The following MELK variants were observed in gnomAD, a reference collection of about 807,000 sequenced individuals.
The protein encoded by MELK is maternal embryonic leucine zipper kinase.
Under a neutral mutation model 85.0 loss-of-function variants are expected in MELK, and 81 were observed. That is an observed-to-expected ratio of 0.95 (90% CI 0.80 to 1.15). The LOEUF (loss-of-function observed/expected upper bound fraction) is 1.15, where lower values mean the gene tolerates loss of function less well. Among genes scored for constraint, MELK ranks in the 50% most tolerant of loss-of-function variants. MELK has a pLI of 0.00. For synonymous variants in MELK, 252 were observed against 265.0 expected (o/e 0.95, Z 0.48); for missense variants, 754 against 777.5 (o/e 0.97, Z 0.36).
chr9:36,600,822 G>A (rs992385778), intron 7 of MELK, among the ~76,000 whole-genome samples: 3 of 152,184 alleles, frequency 2.0e-5, no homozygotes, highest in African/African-American at 7.2e-5. Flanking sequence ...ACTAGCATAA[G>A]GAACTTTGGG....
intron 17 of MELK, among the ~76,000 whole-genome samples, chr9:36,675,740 C>G (rs1833290434): frequency 1.3e-5 from 2 of 152,118 alleles, no homozygotes; most frequent in African/African-American, 4.8e-5. Flanking sequence ...ATAGCCAGGC[C>G]TCTTCTGGTC....
intron 7 of MELK, among the ~76,000 whole-genome samples, chr9:36,602,242 C>T (rs1825002539): frequency 6.6e-6 from 1 of 151,990 alleles, no homozygotes; most frequent in African/African-American, 2.4e-5. Context: ...CCTGTAATCC[C>T]AGCACTTTGG....
At chr9:36,622,533 G>A (rs1314326131) in intron 8 of MELK, among the ~76,000 whole-genome samples, 1 of 152,156 alleles carries the variant, frequency 6.6e-6, no homozygotes, top group Non-Finnish European at 1.5e-5. Context: ...AATGGCTTGA[G>A]TATTAATCTT....
chr9:36,583,675 T>C lies in MELK; in HGVS notation c.107T>C (p.Met36Thr), dbSNP rs540286432. The stretch of plus-strand genomic sequence containing the variant: ...GCCTGCCATATCCTTACTGGAGAGA[T>C]GGTAGCTATAAAAATCATGGATAAA... ...KLACHILTGEMVAIKIMDKNT... is the reference protein window; with the variant it reads ...KLACHILTGETVAIKIMDKNT... Residue 36 changes from methionine to threonine, a missense_variant, in exon 3 of 18, where the codon ATG (methionine) becomes ACG (threonine). Met to Thr is a moderately conservative substitution (Grantham distance 81). Coordinates refer to ENST00000298048, the MANE Select transcript of MELK (RefSeq NM_014791.4). 7 of 1,612,912 alleles carry C rather than the reference T, an allele frequency of 4.3e-6. No individual in the cohort carries two copies. Among genetic ancestry groups the C allele is most frequent in the South Asian group, 1.1e-5 (1 of 90,970 alleles).
At chr9:36,608,226 C>T (rs1258855571) in intron 8 of MELK, among the ~76,000 whole-genome samples, 3 of 133,704 alleles carry the variant, frequency 2.2e-5, no homozygotes, top group East Asian at 2.1e-4. Flanking sequence ...CTTGCAGAGC[C>T]GAGATTACGC....
At chr9:36,588,392 T>A (rs1183129397) in intron 3 of MELK, among the ~76,000 whole-genome samples, 1 of 143,568 alleles carries the variant, frequency 7.0e-6, no homozygotes, top group Non-Finnish European at 1.5e-5. Flanking sequence ...CTTTTTTTTT[T>A]TTTTGAGACG....
At chr9:36,658,102 C>A (rs1436554981) in intron 13 of MELK, among the ~76,000 whole-genome samples, 1 of 150,696 alleles carries the variant, frequency 6.6e-6, no homozygotes, top group Non-Finnish European at 1.5e-5. Context: ...GGCAATTGAT[C>A]TGTTTTTCTT....
intron 11 of MELK, among the ~76,000 whole-genome samples, chr9:36,646,148 C>T (rs181201142): frequency 6.6e-6 from 1 of 152,172 alleles, no homozygotes; most frequent in Admixed American, 6.5e-5. Context: ...AACAGTTATC[C>T]AGGTCAGATG....
intron 7 of MELK, among the ~76,000 whole-genome samples, chr9:36,601,822 ATTTGTCTT>A (rs781249181): frequency 1.3e-5 from 2 of 152,142 alleles, no homozygotes; most frequent in Non-Finnish European, 2.9e-5. Context: ...ATCATACAAT[ATTTGTCTT>A]TTTGTGACTG....
At position 36,597,239 on chromosome 9, in the gene MELK, T is replaced by A; in HGVS notation, c.423T>A (p.Asp141Glu). The change falls in exon 6 of 18, where the codon GAT becomes GAA. Residue 141 changes from aspartate (D) to glutamate (E), a missense_variant. Coordinates refer to ENST00000298048, the MANE Select transcript of MELK (RefSeq NM_014791.4). ...TTTCCCAGGAAAATTTGCTGTTTGA[T>A]GAATATCATAAATTAAAGCTGATTG... ...RDLKPENLLF[D>E]EYHKLKLIDF... 6.2e-7 allele frequency: 1 copy of A among 1,613,818 alleles called. No individual in the cohort carries two copies. Among genetic ancestry groups the A allele is most frequent in the Non-Finnish European group, 8.5e-7 (1 of 1,179,724 alleles).
At chr9:36,660,748 T>A (rs1391544278) in intron 13 of MELK, among the ~76,000 whole-genome samples, 1 of 151,778 alleles carries the variant, frequency 6.6e-6, no homozygotes, top group Non-Finnish European at 1.5e-5. Context: ...TCCCAGCACT[T>A]TGGGGGGCTG....
intron 11 of MELK, among the ~76,000 whole-genome samples, chr9:36,649,217 C>T (rs4879998): frequency 0.77 from 117,477 of 151,902 alleles, 47,856 homozygotes; most frequent in Non-Finnish European, 0.9. Flanking sequence ...CTAGGTGCGG[C>T]GGCTCACACC....
At chr9:36,607,175 CAAT>C in intron 7 of MELK, among the ~76,000 whole-genome samples, 1 of 152,206 alleles carries the variant, frequency 6.6e-6, no homozygotes, top group East Asian at 1.9e-4. Context: ...TGCTGATTAT[CAAT>C]AAATTTTAAG....
chr9:36,584,391 C>T (rs1375363252), intron 3 of MELK, among the ~76,000 whole-genome samples: 1 of 148,114 alleles, frequency 6.8e-6, no homozygotes, highest in African/African-American at 2.5e-5. Context: ...GATCTTGGCT[C>T]ACGGCGACCT....
At chr9:36,585,797 G>C (rs564440569) in intron 3 of MELK, among the ~76,000 whole-genome samples, 4 of 152,106 alleles carry the variant, frequency 2.6e-5, no homozygotes, top group Non-Finnish European at 5.9e-5. Context: ...ATTTAGCCAG[G>C]TGTGGTTGTG....
intron 8 of MELK, among the ~76,000 whole-genome samples, chr9:36,610,985 T>C (rs1338775034): frequency 6.6e-6 from 1 of 152,200 alleles, no homozygotes; most frequent in Non-Finnish European, 1.5e-5. Context: ...TTGACACTTT[T>C]TGAGTGCTGA....
At position 36,677,671 on chromosome 9, in the gene MELK, T is replaced by C. The variant is rs1429520004; in HGVS notation, c.*334T>C. On this transcript the variant is annotated 3_prime_UTR_variant, in exon 18 of 18. Transcript: ENST00000298048. ...GTAATTTCTTTCTGAAATAAAACCATTTGTGAATATAGCAGGCTTCTCTTT... is the reference window on the plus strand; with the variant it reads ...GTAATTTCTTTCTGAAATAAAACCACTTGTGAATATAGCAGGCTTCTCTTT... 1 of 168,692 alleles carries C rather than the reference T, an allele frequency of 5.9e-6. No individual in the cohort carries two copies. The highest frequency in any genetic ancestry group is 1.7e-4 in the East Asian group (1 of 6,040). 10.4% of individuals were successfully genotyped at this position (168,692 alleles called of 1,614,324 possible).
chr9:36,669,411 G>A lies in MELK; in HGVS notation c.1505+5G>A. ...TGTCATTAGCCCTGAGAGGCGGTAA[G>A]TGTTTGGTTTTTTTAGACTCTAATC... On this transcript the variant is annotated splice_donor_5th_base_variant and intron_variant, in intron 15 of 17. Coordinates refer to ENST00000298048, the MANE Select transcript of MELK (RefSeq NM_014791.4). The A allele has an allele frequency of 6.3e-7, 1 of 1,583,550 alleles. No individual in the cohort carries two copies. Among genetic ancestry groups the A allele is most frequent in the South Asian group, 1.2e-5 (1 of 85,630 alleles).
intron 4 of MELK, among the ~76,000 whole-genome samples, chr9:36,592,518 G>A (rs942749852): frequency 6.6e-6 from 1 of 151,856 alleles, no homozygotes; most frequent in Admixed American, 6.6e-5. Flanking sequence ...TACTTTTCTT[G>A]TGTCTCTTGT....
Sources: gnomAD v4.1 joint callset for allele counts (sites outside exome capture counted in the v4.1 genomes callset) on GRCh38, gnomAD v4.1.1 for gene constraint, MANE v1.5 for transcripts, NCBI Gene and HGNC (gene_info 2026-07-23, HGNC 2026-07-21) for gene names.